The following CHRFAM7A variants were observed in gnomAD, a reference collection of about 807,000 sequenced individuals.
The protein encoded by CHRFAM7A is CHRNA7 (exons 5-10) and FAM7A (exons A-E) fusion, also known as CHRNA7-FAM7A fusion protein.
A neutral mutation model predicts 29.2 loss-of-function variants in CHRFAM7A; 3 were observed. That is an observed-to-expected ratio of 0.10 (90% CI 0.05 to 0.27). The LOEUF is 0.27. CHRFAM7A is among the 10% of genes least tolerant of loss of function. The pLI, the probability that CHRFAM7A is intolerant of heterozygous loss-of-function variation, is 1.00. For synonymous variants in CHRFAM7A, 7 were observed against 135.4 expected (o/e 0.05, Z 6.58); for missense variants, 22 against 328.0 (o/e 0.07, Z 7.21).
rs577008089 is a variant in CHRFAM7A at position 30,373,452 on chromosome 15, A to G, written c.161-307T>C. 1.0e-3 allele frequency among the ~76,000 whole-genome samples: 136 copies of G among 133,990 alleles called. 1 individual carries two copies. Among genetic ancestry groups the G allele is most frequent in the African/African-American group, 3.6e-3 (131 of 36,624 alleles). 87.9% of individuals were successfully genotyped at this position (133,990 alleles called of 152,430 possible). ...GAGCATCTTCAGACTCTAAATAATA[A>G]AAGTAAAGAATGCAAAATATCTCAG... On this transcript the variant is annotated intron_variant, in intron 5 of 9. Transcript: ENST00000299847.
At chr15:30,373,445 A>T (rs557210989) in intron 5 of CHRFAM7A, among the ~76,000 whole-genome samples, 6 of 132,884 alleles carry the variant, frequency 4.5e-5, no homozygotes, top group African/African-American at 1.7e-4. Context: ...TCAGACTCTA[A>T]ATAATAAAAG....
At chr15:30,374,752 CAATA>C (rs1259425556) in intron 5 of CHRFAM7A, among the ~76,000 whole-genome samples, 2 of 124,756 alleles carry the variant, frequency 1.6e-5, no homozygotes, top group African/African-American at 6.3e-5. Context: ...AATTCTCTCT[CAATA>C]AAGCTGTTAA....
At chr15:30,375,912 G>C (rs1484599383) in intron 5 of CHRFAM7A, among the ~76,000 whole-genome samples, 1 of 10,344 alleles carries the variant, frequency 9.7e-5, no homozygotes, top group African/African-American at 2.2e-4. Context: ...GAGTGGTTGT[G>C]TGAGTGGTGT....
intron 5 of CHRFAM7A, among the ~76,000 whole-genome samples, chr15:30,376,124 G>T (rs1224714564): frequency 1.4e-5 from 2 of 147,588 alleles, no homozygotes; most frequent in Admixed American, 1.3e-4. Flanking sequence ...AGTACTGAGT[G>T]GTGTGTGTGT....
intron 5 of CHRFAM7A, among the ~76,000 whole-genome samples, 166 bp from the exon 6 acceptor site, chr15:30,373,311 T>G (rs2058886033): frequency 6.7e-6 from 1 of 149,112 alleles, no homozygotes; most frequent in Non-Finnish European, 1.5e-5. Flanking sequence ...TAAAACAGAA[T>G]CTCAGCTAAG....
intron 4 of CHRFAM7A, among the ~76,000 whole-genome samples, chr15:30,377,800 T>C (rs2058949190): frequency 6.9e-6 from 1 of 145,900 alleles, no homozygotes; most frequent in Non-Finnish European, 1.5e-5. Context: ...ATGGTCTCGA[T>C]CTCCTGACTG....
chr15:30,368,342 C>G (rs1160557331), intron 8 of CHRFAM7A, among the ~76,000 whole-genome samples: 4 of 141,610 alleles, frequency 2.8e-5, no homozygotes, highest in African/African-American at 1.1e-4. Flanking sequence ...TCATCAGTGT[C>G]TTTTTATATG....
chr15:30,375,475 T>C, intron 5 of CHRFAM7A, among the ~76,000 whole-genome samples: 1 of 150,524 alleles, frequency 6.6e-6, no homozygotes, highest in Non-Finnish European at 1.5e-5. Flanking sequence ...TGTCACCTGC[T>C]GACAGGGAAG....
rs1446032951 is a variant in CHRFAM7A at position 30,373,339 on chromosome 15, A to C, written c.161-194T>G. ...CAGCTAAGCTTCACTGTCTTTTAAAATCCAAACGTAACACTGACATGCTCT... is the reference window on the plus strand; with the variant it reads ...CAGCTAAGCTTCACTGTCTTTTAAACTCCAAACGTAACACTGACATGCTCT... On this transcript the variant is annotated intron_variant, in intron 5 of 9. Coordinates refer to ENST00000299847, the MANE Select transcript of CHRFAM7A (RefSeq NM_139320.2). 1.4e-5 allele frequency among the ~76,000 whole-genome samples: 2 copies of C among 147,144 alleles called. 1 individual carries two copies.
chr15:30,373,409 A>G (rs543360102), intron 5 of CHRFAM7A, among the ~76,000 whole-genome samples: 21 of 131,496 alleles, frequency 1.6e-4, no homozygotes, highest in Non-Finnish European at 2.9e-4. Flanking sequence ...AGTTAGCTCT[A>G]TAATCTGCAT....
upstream of CHRFAM7A, chr15:30,393,803 C>G (rs1425866572): frequency 2.4e-5 from 2 of 82,204 alleles, no homozygotes; most frequent in Non-Finnish European, 5.5e-5. Context: ...CCTTTCTGCC[C>G]GACCGATCTG....
chr15:30,370,909 C>T (rs1311062267), intron 8 of CHRFAM7A, among the ~76,000 whole-genome samples, 189 bp downstream of exon 8: 1 of 151,690 alleles, frequency 6.6e-6, no homozygotes, highest in Non-Finnish European at 1.5e-5. Flanking sequence ...AGTCAAACCT[C>T]AAAGCTGAAT....
intron 4 of CHRFAM7A, among the ~76,000 whole-genome samples, chr15:30,377,831 A>C (rs1180734579): frequency 6.9e-6 from 1 of 145,256 alleles, no homozygotes; most frequent in Non-Finnish European, 1.5e-5. Context: ...AATAGCTAAA[A>C]TGGAACATTT....
chr15:30,372,431 TC>T (rs1319204218), intron 6 of CHRFAM7A, 90 bp from the exon 7 acceptor site: 1 of 201,982 alleles, frequency 5.0e-6, no homozygotes, highest in Non-Finnish European at 6.8e-6. Context: ...ACAAGCACAG[TC>T]CTAAAGTTTG....
At chr15:30,389,534 C>A (rs1375671328) in intron 1 of CHRFAM7A, among the ~76,000 whole-genome samples, 2 of 1,572 alleles carry the variant, frequency 1.3e-3, no homozygotes, top group Non-Finnish European at 1.9e-3. Context: ...AGGTTCACAC[C>A]ATTCTCCTGC....
chr15:30,377,778 A>G (rs1414456394), intron 4 of CHRFAM7A, among the ~76,000 whole-genome samples: 3 of 145,440 alleles, frequency 2.1e-5, no homozygotes, highest in Non-Finnish European at 4.5e-5. Flanking sequence ...GGGTTTCACT[A>G]TGTTAGCCGG....
chr15:30,387,486 C>CACCAT (rs2058982702), intron 1 of CHRFAM7A, among the ~76,000 whole-genome samples: 1 of 26,554 alleles, frequency 3.8e-5, no homozygotes, highest in Non-Finnish European at 8.2e-5. Flanking sequence ...GGGTGTGCAC[C>CACCAT]ACCATGCCCA....
At position 30,361,379 on chromosome 15, in the gene CHRFAM7A, C is replaced by T. The variant is rs2140849178; in HGVS notation, c.*914G>A. ...TTTCTAAGACTAATTAACTCCAGTG[C>T]ATGTGAATCAGCTAACACATTATTT... On this transcript the variant is annotated 3_prime_UTR_variant, in exon 10 of 10. Coordinates refer to ENST00000299847, the MANE Select transcript of CHRFAM7A (RefSeq NM_139320.2). 1 of 114,612 alleles carries T rather than the reference C, an allele frequency of 8.7e-6. No individual in the cohort carries two copies. The highest frequency in any genetic ancestry group is 1.8e-5 in the Non-Finnish European group (1 of 55,368). The allele number at this position is 114,612 out of a possible 1,614,324, so 7.1% of individuals were successfully genotyped here.
chr15:30,374,653 G>A (rs1423167862), intron 5 of CHRFAM7A, among the ~76,000 whole-genome samples: 1 of 128,854 alleles, frequency 7.8e-6, no homozygotes, highest in Non-Finnish European at 1.7e-5. Context: ...TGATGGGAAT[G>A]TTCTAAAACT....
Sources: allele counts gnomAD v4.1 joint callset (sites outside exome capture counted in the v4.1 genomes callset), GRCh38; gene constraint gnomAD v4.1.1; transcripts MANE v1.5; gene names NCBI Gene and HGNC (gene_info 2026-07-23, HGNC 2026-07-21).